PHAX: variants seen among roughly 807,000 people sequenced by gnomAD.
PHAX encodes phosphorylated adapter RNA export protein.
Under a neutral mutation model 41.6 loss-of-function variants are expected in PHAX, and 31 were observed. The ratio of observed to expected loss-of-function variants is 0.75; its 90% CI spans 0.56 to 1.01. The LOEUF is 1.01. Among genes scored for constraint, PHAX ranks in the 50% least tolerant of loss-of-function variants. The probability of loss-of-function intolerance (pLI) is 0.00; values close to 1 mark genes in which losing one functional copy is unlikely to be tolerated. For synonymous variants in PHAX, 175 were observed against 164.9 expected (o/e 1.06, Z -0.47); for missense variants, 453 against 472.9 (o/e 0.96, Z 0.39).
chr5:126,624,712 AG>A lies in PHAX; in HGVS notation c.1054del (p.Glu352LysfsTer56), dbSNP rs1752320575. On this transcript the variant is annotated frameshift_variant, in exon 5 of 5. Coordinates refer to ENST00000297540, the MANE Select transcript of PHAX (RefSeq NM_032177.4). LOFTEE classifies it high-confidence loss of function. ...TTCAAGAAGATGATGATACATCACG[AG>A]AAACTTTTGCAAGTGACACGAATGA... is the stretch of plus-strand genomic sequence containing the variant. The part of the protein sequence containing the change: ...NFQEDDDTSR[E>X]TFASDTNEAL... 1 of 1,614,084 alleles carries A rather than the reference AG, an allele frequency of 6.2e-7. No homozygotes were observed. Among genetic ancestry groups the A allele is most frequent in the South Asian group, 1.1e-5 (1 of 91,086 alleles).
intron 2 of PHAX, 90 bp downstream of exon 2, chr5:126,604,273 C>CTTTTTTTTT: frequency 5.1e-6 from 4 of 791,598 alleles, no homozygotes; most frequent in Non-Finnish European, 5.0e-6. Flanking sequence ...ATGATATGTT[C>CTTTTTTTTT]CTTTTTTTTT....
chr5:126,620,862 C>T (rs1221914086), intron 4 of PHAX, among the ~76,000 whole-genome samples: 2 of 152,036 alleles, frequency 1.3e-5, no homozygotes, highest in East Asian at 1.9e-4. Flanking sequence ...CTCAGCCTCT[C>T]GAGTAGCTGG....
At chr5:126,614,245 A>G (rs1162588576) in intron 3 of PHAX, among the ~76,000 whole-genome samples, 2 of 151,488 alleles carry the variant, frequency 1.3e-5, no homozygotes, top group African/African-American at 4.9e-5. Context: ...GATTACAGGC[A>G]TATCCCACCA....
At position 126,626,187 on chromosome 5, in the gene PHAX, C is replaced by G. The variant is rs1752346588; in HGVS notation, c.*1343C>G. On this transcript the variant is annotated 3_prime_UTR_variant, in exon 5 of 5. Coordinates refer to ENST00000297540, the MANE Select transcript of PHAX (RefSeq NM_032177.4). ...TTGAGCCCAGGAGTTTGAGACCAAT[C>G]TAGGCAATGTAGTGAGACCCTGTCT... 1.3e-5 allele frequency: 2 copies of G among 151,840 alleles called. No homozygotes were observed. The highest frequency in any genetic ancestry group is 1.3e-4 in the Admixed American group (2 of 15,212). The allele number at this position is 151,840 out of a possible 1,614,324, so 9.4% of individuals were successfully genotyped here. A position where few individuals can be genotyped will look rare whatever the true frequency, so the allele number is the denominator to read the frequency against.
At chr5:126,602,998 C>A (rs1371990935) in intron 1 of PHAX, among the ~76,000 whole-genome samples, 1 of 141,920 alleles carries the variant, frequency 7.0e-6, no homozygotes, top group Non-Finnish European at 1.5e-5. Flanking sequence ...GAGCAAGACT[C>A]CCATCTCAAG....
chr5:126,610,852 C>T (rs1037978754), intron 3 of PHAX, among the ~76,000 whole-genome samples: 4 of 151,724 alleles, frequency 2.6e-5, no homozygotes, highest in South Asian at 2.1e-4. Flanking sequence ...ATTGCAGGTG[C>T]GTGCCACCGC....
At chr5:126,614,913 C>T (rs970994028) in intron 3 of PHAX, among the ~76,000 whole-genome samples, 3 of 151,986 alleles carry the variant, frequency 2.0e-5, no homozygotes, top group Admixed American at 2.0e-4. Flanking sequence ...CACACCACCA[C>T]GCCCAGCTAA....
At chr5:126,605,967 T>C (rs762774755) in intron 2 of PHAX, among the ~76,000 whole-genome samples, 2 of 152,200 alleles carry the variant, frequency 1.3e-5, no homozygotes, top group African/African-American at 2.4e-5. Context: ...GAAACATTTC[T>C]GTCACCCAGT....
intron 4 of PHAX, among the ~76,000 whole-genome samples, chr5:126,618,715 G>C (rs1214252559): frequency 6.6e-6 from 1 of 151,074 alleles, no homozygotes; most frequent in Non-Finnish European, 1.5e-5. Flanking sequence ...CGCCAGGCTG[G>C]AGTGCAGTGT....
intron 4 of PHAX, among the ~76,000 whole-genome samples, chr5:126,621,738 G>T (rs532041140): frequency 1.5e-3 from 215 of 145,090 alleles, no homozygotes; most frequent in African/African-American, 5.2e-3. Context: ...TTTGTTCAAA[G>T]AAAAAAAAAA....
At chr5:126,603,467 G>C in intron 1 of PHAX, 103 bp from the exon 2 acceptor site, 1 of 1,251,546 alleles carries the variant, frequency 8.0e-7, no homozygotes. Flanking sequence ...TTGAAGATCA[G>C]TTCCATTTTG....
intron 1 of PHAX, among the ~76,000 whole-genome samples, chr5:126,603,074 C>CAAAA (rs200469175): frequency 8.3e-6 from 1 of 121,140 alleles, no homozygotes; most frequent in African/African-American, 2.9e-5. Flanking sequence ...CCAAAAAATG[C>CAAAA]AAAAAAAAAA....
intron 1 of PHAX, among the ~76,000 whole-genome samples, chr5:126,602,153 G>C (rs1287603522): frequency 6.6e-6 from 1 of 150,806 alleles, no homozygotes; most frequent in East Asian, 2.0e-4. Context: ...CTCCATGTTG[G>C]CCAGGCTGGT....
intron 1 of PHAX, among the ~76,000 whole-genome samples, chr5:126,601,906 A>G (rs1222125009): frequency 6.6e-6 from 1 of 152,184 alleles, no homozygotes; most frequent in South Asian, 2.1e-4. Context: ...ACCTCAAGTG[A>G]TCGGCCTGCC....
At chr5:126,622,671 A>C (rs1233627773) in intron 4 of PHAX, among the ~76,000 whole-genome samples, 3 of 152,086 alleles carry the variant, frequency 2.0e-5, no homozygotes, top group Admixed American at 2.0e-4. Flanking sequence ...GTTACCAAGC[A>C]TTATACTACT....
At chr5:126,618,099 A>G (rs896056227) in intron 4 of PHAX, among the ~76,000 whole-genome samples, 14 of 151,564 alleles carry the variant, frequency 9.2e-5, no homozygotes, top group Admixed American at 9.2e-4. Flanking sequence ...GAGTACAGGC[A>G]TATGCCATTA....
intron 3 of PHAX, among the ~76,000 whole-genome samples, chr5:126,613,157 T>C (rs1327647906): frequency 6.6e-6 from 1 of 152,152 alleles, no homozygotes; most frequent in East Asian, 1.9e-4. Flanking sequence ...GAGACCAGCC[T>C]GTCCAACATG....
chr5:126,624,537 G>T, intron 4 of PHAX, 38 bp from the exon 5 acceptor site: 1 of 1,466,956 alleles, frequency 6.8e-7, no homozygotes, highest in Non-Finnish European at 9.3e-7. Flanking sequence ...TTAATAACGT[G>T]GTAGTTCTTG....
At chr5:126,608,818 C>T (rs543072402) in intron 3 of PHAX, among the ~76,000 whole-genome samples, 6 of 151,734 alleles carry the variant, frequency 4.0e-5, no homozygotes, top group East Asian at 2.0e-4. Context: ...TACCTGTAAT[C>T]GCAGCTACTC....
Sources: gnomAD v4.1 joint callset for allele counts (sites outside exome capture counted in the v4.1 genomes callset) on GRCh38, gnomAD v4.1.1 for gene constraint, MANE v1.5 for transcripts, NCBI Gene and HGNC (gene_info 2026-07-23, HGNC 2026-07-21) for gene names.